Variants in SSBP2 observed in about 807,000 individuals in gnomAD.
SSBP2 encodes single stranded DNA binding protein 2, also known as single-stranded DNA-binding protein 2.
Under a neutral mutation model 61.8 loss-of-function variants are expected in SSBP2, and 17 were observed. The observed-to-expected ratio is 0.28, with a 90% CI of 0.19 to 0.41. The LOEUF (loss-of-function observed/expected upper bound fraction) is 0.41, where lower values mean the gene tolerates loss of function less well. Ranked by LOEUF, SSBP2 falls within the 10% of genes least tolerant of loss-of-function variation. The pLI is 1.00. For synonymous variants in SSBP2, 139 were observed against 141.3 expected, an observed-to-expected ratio of 0.98 and a Z score of 0.12; for missense variants, 310 against 458.7, an observed-to-expected ratio of 0.68 and a Z score of 2.96.
intron 4 of SSBP2, among the ~76,000 whole-genome samples, chr5:81,573,609 G>T (rs1773985738): frequency 6.6e-6 from 1 of 152,210 alleles, no homozygotes; most frequent in African/African-American, 2.4e-5. Flanking sequence ...ATCTGAAATT[G>T]CTAGTGCCCT....
intron 1 of SSBP2, among the ~76,000 whole-genome samples, chr5:81,678,187 A>C (rs756596632): frequency 4.6e-5 from 7 of 152,180 alleles, no homozygotes; most frequent in Non-Finnish European, 1.0e-4. Flanking sequence ...GGACAGATGG[A>C]TAATGTAAGA....
chr5:81,744,610 A>AG (rs1259008315), intron 1 of SSBP2, among the ~76,000 whole-genome samples: 2 of 148,644 alleles, frequency 1.3e-5, no homozygotes, highest in Admixed American at 6.8e-5. Flanking sequence ...ATTTAAAACT[A>AG]GAAAAAAAAA....
chr5:81,690,874 T>C (rs1301549140), intron 1 of SSBP2, among the ~76,000 whole-genome samples: 2 of 152,160 alleles, frequency 1.3e-5, no homozygotes, highest in African/African-American at 4.8e-5. Context: ...ATAACTTCTT[T>C]GACCACAATG....
chr5:81,683,170 T>C (rs1752523356), intron 1 of SSBP2, among the ~76,000 whole-genome samples: 1 of 152,032 alleles, frequency 6.6e-6, no homozygotes, highest in Admixed American at 6.6e-5. Context: ...ATTCTAAAAT[T>C]TGTATAAAGA....
intron 5 of SSBP2, among the ~76,000 whole-genome samples, chr5:81,489,554 G>A (rs886349367): frequency 2.0e-5 from 3 of 151,800 alleles, no homozygotes; most frequent in Non-Finnish European, 4.4e-5. Flanking sequence ...AGTAACTATA[G>A]CAAAATCTTT....
chr5:81,517,720 A>C (rs1769142157), intron 4 of SSBP2, among the ~76,000 whole-genome samples: 1 of 151,982 alleles, frequency 6.6e-6, no homozygotes, highest in South Asian at 2.1e-4. Flanking sequence ...TTTCTCTGAA[A>C]TGCTATTATG....
chr5:81,660,761 T>C (rs1750613898), intron 1 of SSBP2, among the ~76,000 whole-genome samples: 1 of 152,148 alleles, frequency 6.6e-6, no homozygotes, highest in Non-Finnish European at 1.5e-5. Context: ...CAAACCCAAA[T>C]GACCATCAAT....
chr5:81,587,762 C>CGT (rs917087552), intron 4 of SSBP2, among the ~76,000 whole-genome samples: 2 of 127,932 alleles, frequency 1.6e-5, no homozygotes, highest in African/African-American at 3.3e-5. Flanking sequence ...CACACGCGCG[C>CGT]GCACACACAC....
intron 4 of SSBP2, among the ~76,000 whole-genome samples, chr5:81,524,544 G>A (rs569950068): frequency 6.6e-6 from 1 of 152,138 alleles, no homozygotes; most frequent in East Asian, 1.9e-4. Context: ...TTGGATAATA[G>A]TTTTTCATGA....
chr5:81,610,686 C>G (rs1212597336), intron 4 of SSBP2, among the ~76,000 whole-genome samples: 2 of 152,172 alleles, frequency 1.3e-5, no homozygotes, highest in Non-Finnish European at 2.9e-5. Context: ...ATAGACATTT[C>G]ATGAAGTCTG....
At chr5:81,424,474 G>A (rs1337744625) in intron 16 of SSBP2, among the ~76,000 whole-genome samples, 8 of 151,812 alleles carry the variant, frequency 5.3e-5, no homozygotes, top group Non-Finnish European at 2.9e-5. Flanking sequence ...AGAAAAAGGA[G>A]CAACCATCTA....
At chr5:81,564,307 G>A (rs139169602) in intron 4 of SSBP2, among the ~76,000 whole-genome samples, 1 of 152,304 alleles carries the variant, frequency 6.6e-6, no homozygotes, top group East Asian at 1.9e-4. Context: ...AGGGAAGGAA[G>A]GAGGAAGAAC....
chr5:81,437,449 T>C lies in SSBP2; in HGVS notation c.938A>G (p.Asp313Gly), dbSNP rs372818563. 70 of 1,605,970 alleles carry C rather than the reference T, an allele frequency of 4.4e-5. No individual in the cohort carries two copies. The highest frequency in any genetic ancestry group is 6.9e-5 in the Admixed American group (4 of 57,926). The change falls in exon 15 of 17, where the codon GAT (aspartate) becomes GGT (glycine). Residue 313 changes from aspartate to glycine, a missense_variant. Physicochemically the swap from Asp to Gly is moderately conservative, Grantham distance 94. Transcript: ENST00000320672. ...ACTCACCTTGGAAATACTGTCCATATCTCCTGAGCCTGAAACAAAATATAA... is the reference window on the plus strand; with the variant it reads ...ACTCACCTTGGAAATACTGTCCATACCTCCTGAGCCTGAAACAAAATATAA...
At chr5:81,476,899 T>C (rs982332297) in intron 6 of SSBP2, among the ~76,000 whole-genome samples, 2 of 152,224 alleles carry the variant, frequency 1.3e-5, no homozygotes, top group Non-Finnish European at 2.9e-5. Context: ...TAGATTTCTA[T>C]ATTGTTCAAT....
intron 15 of SSBP2, among the ~76,000 whole-genome samples, chr5:81,432,756 G>T (rs935658289): frequency 2.7e-5 from 4 of 146,598 alleles, no homozygotes; most frequent in African/African-American, 1.0e-4. Context: ...CGGGAGGGAG[G>T]TGGGGGGGTC....
intron 4 of SSBP2, among the ~76,000 whole-genome samples, chr5:81,517,146 C>G (rs181990777): frequency 6.6e-6 from 1 of 152,140 alleles, no homozygotes; most frequent in Admixed American, 6.6e-5. Context: ...TTCATTATAG[C>G]TCTCTCTTAA....
At chr5:81,627,130 G>T (rs1421419095) in intron 3 of SSBP2, among the ~76,000 whole-genome samples, 2 of 152,132 alleles carry the variant, frequency 1.3e-5, no homozygotes, top group Non-Finnish European at 2.9e-5. Flanking sequence ...TAATTAACTT[G>T]AGTAACATTT....
At chr5:81,606,968 A>ACCCC (rs1423452993) in intron 4 of SSBP2, among the ~76,000 whole-genome samples, 1 of 152,208 alleles carries the variant, frequency 6.6e-6, no homozygotes, top group Non-Finnish European at 1.5e-5. Context: ...TATTACAGCT[A>ACCCC]TGATAAGATT....
chr5:81,747,469 A>G (rs71636285), intron 1 of SSBP2, among the ~76,000 whole-genome samples: 21 of 152,154 alleles, frequency 1.4e-4, no homozygotes, highest in Admixed American at 1.4e-3. Context: ...TACATAAAAC[A>G]CTGAACATAG....
Sources: allele counts gnomAD v4.1 joint callset (sites outside exome capture counted in the v4.1 genomes callset), GRCh38; gene constraint gnomAD v4.1.1; transcripts MANE v1.5; gene names NCBI Gene and HGNC (gene_info 2026-07-23, HGNC 2026-07-21).